The following DNAH7 variants were observed in gnomAD, a reference collection of about 807,000 sequenced individuals.
The protein encoded by DNAH7 is dynein axonemal heavy chain 7.
Under a neutral mutation model 444.6 loss-of-function variants are expected in DNAH7, and 397 were observed. The ratio of observed to expected loss-of-function variants is 0.89; its 90% CI spans 0.82 to 0.97. The LOEUF is 0.97. Among genes scored for constraint, DNAH7 ranks in the 50% least tolerant of loss-of-function variants. DNAH7 has a pLI of 0.00. For missense variants in DNAH7, 4,902 were observed against 4,800.8 expected (o/e 1.02, Z -0.62); for synonymous variants, 1,636 against 1,624.4 (o/e 1.01, Z -0.17).
intron 10 of DNAH7, among the ~76,000 whole-genome samples, chr2:196,006,593 A>G (rs756792221): frequency 1.1e-4 from 16 of 152,004 alleles, no homozygotes; most frequent in Non-Finnish European, 2.4e-4. Flanking sequence ...CAGATAGGAA[A>G]GGAAGAAGTA....
intron 7 of DNAH7, among the ~76,000 whole-genome samples, chr2:196,026,220 T>C (rs578179384): frequency 1.2e-4 from 18 of 152,330 alleles, no homozygotes; most frequent in African/African-American, 4.1e-4. Flanking sequence ...AATAAAACTT[T>C]ATGAAAACAG....
At chr2:195,741,400 ACT>A (rs1693024077) in intron 63 of DNAH7, among the ~76,000 whole-genome samples, 1 of 151,996 alleles carries the variant, frequency 6.6e-6, no homozygotes, top group Non-Finnish European at 1.5e-5. Flanking sequence ...CACATGATGA[ACT>A]CTCTCTAGAA....
chr2:195,889,265 TCCTC>T (rs201023113), intron 31 of DNAH7, among the ~76,000 whole-genome samples: 1,523 of 151,758 alleles, frequency 0.01, 26 homozygotes, highest in African/African-American at 0.034. Flanking sequence ...TTCCTTTCTT[TCCTC>T]CCTCCCTCCC....
At chr2:195,976,785 G>GAGAGAGAC (rs1424902330) in intron 15 of DNAH7, among the ~76,000 whole-genome samples, 2 of 143,694 alleles carry the variant, frequency 1.4e-5, no homozygotes, top group Non-Finnish European at 3.0e-5. Flanking sequence ...GAGAGAGAGA[G>GAGAGAGAC]AGACTCTCTA....
At chr2:195,875,883 T>A in intron 37 of DNAH7, 40 bp from the exon 38 acceptor site, 1 of 1,562,544 alleles carries the variant, frequency 6.4e-7, no homozygotes, top group Non-Finnish European at 8.7e-7. Context: ...AATATTAACA[T>A]CTCAACATAC....
chr2:195,871,940 A>AAC, intron 40 of DNAH7, among the ~76,000 whole-genome samples: 1 of 72,504 alleles, frequency 1.4e-5, no homozygotes, highest in Non-Finnish European at 2.4e-5. Flanking sequence ...CAAAAAAAAA[A>AAC]AAAAAAAAAA....
intron 5 of DNAH7, among the ~76,000 whole-genome samples, chr2:196,047,053 T>TG (rs955991840): frequency 1.3e-5 from 2 of 150,888 alleles, no homozygotes; most frequent in East Asian, 3.9e-4. Context: ...CAGATGAGAT[T>TG]GGGGAAAAAA....
rs865928133 is a variant in DNAH7, at chr2:195,740,627, A to G, written c.11868+139T>C. On this transcript the variant is annotated intron_variant, in intron 64 of 64. Coordinates refer to ENST00000312428, the MANE Select transcript of DNAH7 (RefSeq NM_018897.3). ...TGTGTGTGTGTGTGTATATATATAT[A>G]TATATATATATATATATACATATAC... 392 of 90,946 alleles carry G rather than the reference A, an allele frequency of 4.3e-3. 3 individuals carry two copies. Among genetic ancestry groups the G allele is most frequent in the African/African-American group, 0.019 (262 of 14,128 alleles). 5.6% of individuals were successfully genotyped at this position (90,946 alleles called of 1,614,324 possible). A position where few individuals can be genotyped will look rare whatever the true frequency, so the allele number is the denominator to read the frequency against.
intron 36 of DNAH7, among the ~76,000 whole-genome samples, chr2:195,879,121 A>G (rs1433043553): frequency 6.6e-6 from 1 of 152,238 alleles, no homozygotes; most frequent in Non-Finnish European, 1.5e-5. Context: ...GCATATAAAA[A>G]GCTAAACAGA....
intron 36 of DNAH7, among the ~76,000 whole-genome samples, chr2:195,881,216 A>C (rs1210132497): frequency 6.6e-6 from 1 of 152,200 alleles, no homozygotes; most frequent in African/African-American, 2.4e-5. Flanking sequence ...TGTAATGTTA[A>C]AGTCAATAAA....
rs568538693 is a variant in DNAH7 at position 195,853,391 on chromosome 2, G to A, written c.8733C>T (p.Ser2911=). The change falls in exon 46 of 65, where the codon TCC becomes TCT. Residue 2911 remains serine, a synonymous_variant. Coordinates refer to ENST00000312428, the MANE Select transcript of DNAH7 (RefSeq NM_018897.3). ...CTCCGAGGTAAGCAACCACTCCGGA[G>A]GAAATGAGGATATCCCCAGTCAAGT... is the stretch of plus-strand genomic sequence containing the variant. The part of the protein sequence containing the change: ...YINLTGDILI[S]SGVVAYLGAF... 3 of 1,614,026 alleles carry A rather than the reference G, an allele frequency of 1.9e-6. No homozygotes were observed. In the African/African-American group the frequency reaches 4.0e-5, roughly 22 times the overall value.
intron 47 of DNAH7, among the ~76,000 whole-genome samples, chr2:195,837,152 T>C (rs1354146028): frequency 2.0e-5 from 3 of 152,344 alleles, no homozygotes; most frequent in African/African-American, 7.2e-5. Context: ...TATTCTTTTT[T>C]TCCTAGATCA....
chr2:195,880,716 T>C (rs1701328404), intron 36 of DNAH7, among the ~76,000 whole-genome samples: 1 of 152,222 alleles, frequency 6.6e-6, no homozygotes, highest in African/African-American at 2.4e-5. Context: ...GAATCAAATA[T>C]TACAATACCC....
intron 58 of DNAH7, among the ~76,000 whole-genome samples, chr2:195,778,535 G>T (rs573436348): frequency 1.9e-4 from 28 of 148,144 alleles, no homozygotes; most frequent in South Asian, 4.3e-4. Flanking sequence ...TAGGGAAAGG[G>T]CTGAGGTAGG....
In DNAH7 at chr2:195,754,415, A is replaced by G. The variant is rs1184725240; in HGVS notation, c.11686T>C (p.Tyr3896His). ...CCAAGAAGATCAATAGGAATTGTGTATTTCCTGGCGTAGTTCTGCTGGGCA... is the reference window on the plus strand; with the variant it reads ...CCAAGAAGATCAATAGGAATTGTGTGTTTCCTGGCGTAGTTCTGCTGGGCA... Reference protein sequence around the residue: ...TGAQQNYARKYTIPIDLLGFD... With the variant: ...TGAQQNYARKHTIPIDLLGFD... Residue 3896 changes from tyrosine to histidine, a missense_variant, in exon 63 of 65, where the codon TAC becomes CAC. Tyr to His is a moderately conservative substitution (Grantham distance 83). Transcript: ENST00000312428. 9 of 1,614,036 alleles carry G rather than the reference A, an allele frequency of 5.6e-6. No individual in the cohort carries two copies. The highest frequency in any genetic ancestry group is 5.1e-6 in the Non-Finnish European group (6 of 1,179,966).
At chr2:196,029,409 G>A (rs1437801146) in intron 5 of DNAH7, among the ~76,000 whole-genome samples, 1 of 151,986 alleles carries the variant, frequency 6.6e-6, no homozygotes, top group African/African-American at 2.4e-5. Flanking sequence ...GAAGGTTGGG[G>A]GTTGTAGGAA....
chr2:195,757,273 T>C (rs574089886), intron 61 of DNAH7, among the ~76,000 whole-genome samples: 1 of 152,328 alleles, frequency 6.6e-6, no homozygotes, highest in South Asian at 2.1e-4. Context: ...AAAAGGATGG[T>C]GATAAATATA....
Position 195,926,524 on chromosome 2 carries a change from T to C in DNAH7, c.3514A>G (p.Ile1172Val), listed in dbSNP as rs1458778828. ...CCAGGCCAATCCCTTACCCAGTTAA[T>C]TCGTTCATATTTTGTATAGGCAAAA... ...ATFAYTKYER[I>V]NWVRDWPGQT... The change falls in exon 22 of 65, where the codon ATT (isoleucine) becomes GTT (valine). Residue 1172 changes from isoleucine to valine, a missense_variant. Physicochemically the swap from Ile to Val is conservative, Grantham distance 29 (BLOSUM62 3). Coordinates refer to ENST00000312428, the MANE Select transcript of DNAH7 (RefSeq NM_018897.3). The C allele has an allele frequency of 6.2e-7, 1 of 1,602,740 alleles. No individual in the cohort carries two copies.
chr2:196,019,235 C>G lies in DNAH7; in HGVS notation c.804G>C (p.Arg268Ser). 1 of 1,517,012 alleles carries G rather than the reference C, an allele frequency of 6.6e-7. No homozygotes were observed. Among genetic ancestry groups the G allele is most frequent in the Non-Finnish European group, 8.9e-7 (1 of 1,120,594 alleles). 94.0% of individuals were successfully genotyped at this position (1,517,012 alleles called of 1,614,324 possible). ...TGGGGTTCATTGCATTCAAGTGATC[C>G]CTAATATAACTGCTTGCAGCTAAAA... ...KSFLAASSYI[R>S]DHLNAMNPTM... The change falls in exon 9 of 65, where the codon AGG becomes AGC. Residue 268 changes from arginine (R) to serine (S), a missense_variant. By Grantham distance (110) the Arg-to-Ser change is moderately radical (BLOSUM62 -1). Transcript: ENST00000312428.
Sources: allele counts gnomAD v4.1 joint callset (sites outside exome capture counted in the v4.1 genomes callset), GRCh38; gene constraint gnomAD v4.1.1; transcripts MANE v1.5; gene names NCBI Gene and HGNC (gene_info 2026-07-23, HGNC 2026-07-21).